The following GLDC variants were observed in gnomAD, a reference collection of about 807,000 sequenced individuals.
The protein encoded by GLDC is glycine decarboxylase, also known as glycine dehydrogenase (decarboxylating), mitochondrial.
In GLDC, 104 loss-of-function variants were observed where a neutral mutation model predicts 121.3. That is an observed-to-expected ratio of 0.86 (90% CI 0.73 to 1.01). The LOEUF (loss-of-function observed/expected upper bound fraction) is 1.01, where lower values mean the gene tolerates loss of function less well. Among genes scored for constraint, GLDC ranks in the 50% least tolerant of loss-of-function variants. The pLI is 0.00. For synonymous variants in GLDC, 546 were observed against 480.6 expected, an observed-to-expected ratio of 1.14 and a Z score of -1.78; for missense variants, 1,429 against 1,306.6, an observed-to-expected ratio of 1.09 and a Z score of -1.44.
At chr9:6,541,392 C>T (rs138468562) in intron 21 of GLDC, 4 of 152,350 alleles carry the variant, frequency 2.6e-5, no homozygotes, top group African/African-American at 9.6e-5. Flanking sequence ...ACTTTCCTCA[C>T]TCTCAGCAAA....
At chr9:6,539,568 C>T (rs190289881) in intron 22 of GLDC, among the ~76,000 whole-genome samples, 1 of 152,274 alleles carries the variant, frequency 6.6e-6, no homozygotes, top group East Asian at 1.9e-4. Flanking sequence ...GCTGAATGAA[C>T]ACCCACTAAT....
At chr9:6,604,298 C>A (rs569754409) in intron 7 of GLDC, among the ~76,000 whole-genome samples, 1 of 152,104 alleles carries the variant, frequency 6.6e-6, no homozygotes, top group African/African-American at 2.4e-5. Context: ...ACAAAACATG[C>A]CTAAAATATT....
chr9:6,636,626 A>C (rs1819507775), intron 2 of GLDC, among the ~76,000 whole-genome samples: 1 of 152,016 alleles, frequency 6.6e-6, no homozygotes, highest in African/African-American at 2.4e-5. Flanking sequence ...AAATACAAAA[A>C]TTAGCCGGGC....
intron 2 of GLDC, chr9:6,639,668 A>AAAAAAAATATATAT: frequency 2.6e-4 from 64 of 250,460 alleles, no homozygotes; most frequent in African/African-American, 3.6e-4. Context: ...ATAAAAAAAA[A>AAAAAAAATATATAT]GTATATATAT....
chr9:6,588,336 G>T, intron 14 of GLDC, 65 bp downstream of exon 14: 1 of 1,070,678 alleles, frequency 9.3e-7, no homozygotes, highest in Non-Finnish European at 1.5e-6. Flanking sequence ...ACTAGTTCTG[G>T]GCTTAGGTGG....
At chr9:6,576,099 T>A (rs1197777657) in intron 15 of GLDC, among the ~76,000 whole-genome samples, 1 of 152,218 alleles carries the variant, frequency 6.6e-6, no homozygotes, top group Non-Finnish European at 1.5e-5. Context: ...CTTGGCTACA[T>A]CAAGCAAAGT....
rs935896982 is a variant in GLDC at position 6,540,139 on chromosome 9, C to G, written c.2577G>C (p.Val859=). 6.8e-6 allele frequency: 11 copies of G among 1,606,970 alleles called. No homozygotes were observed. In the South Asian group the frequency reaches 7.7e-5, roughly 11 times the overall value. Residue 859 remains valine, a synonymous_variant, in exon 22 of 25, where the codon GTG becomes GTC. Transcript: ENST00000321612. ...TCGTGTCCAAAATAAATTCATGACC[C>G]ACATAACCTGTTCAGGAAAGTTGTT... ...RILFRGARGY[V]GHEFILDTRP...
At chr9:6,558,735 G>C in intron 16 of GLDC, 51 bp from the exon 17 acceptor site, 2 of 1,603,138 alleles carry the variant, frequency 1.2e-6, no homozygotes. Context: ...ATCAGACTAT[G>C]AATAATGACA....
intron 3 of GLDC, among the ~76,000 whole-genome samples, chr9:6,618,080 A>G (rs1377403765): frequency 6.6e-6 from 1 of 152,196 alleles, no homozygotes; most frequent in Non-Finnish European, 1.5e-5. Flanking sequence ...CTTTTAAAAA[A>G]TCACCTAGGA....
chr9:6,605,112 A>G lies in GLDC; in HGVS notation c.861+19T>C. ...TGGGATACGCCTCCACGGACCCCCC[A>G]CAAGAAAGGTATACCTACCCCACTC... On this transcript the variant is annotated intron_variant, in intron 6 of 24. Coordinates refer to ENST00000321612, the MANE Select transcript of GLDC (RefSeq NM_000170.3). The G allele has an allele frequency of 6.2e-7, 1 of 1,610,608 alleles. No homozygotes were observed. The highest frequency in any genetic ancestry group is 2.2e-5 in the East Asian group (1 of 44,872).
At chr9:6,533,526 T>C (rs1175782032) in intron 24 of GLDC, among the ~76,000 whole-genome samples, 1 of 152,204 alleles carries the variant, frequency 6.6e-6, no homozygotes, top group Non-Finnish European at 1.5e-5. Context: ...GTCTAATTTA[T>C]TTGCTATGTC....
chr9:6,620,926 G>A (rs144146088), intron 2 of GLDC, among the ~76,000 whole-genome samples: 9 of 152,330 alleles, frequency 5.9e-5, no homozygotes, highest in Middle Eastern at 3.4e-3. Flanking sequence ...CCAGCACTTT[G>A]AGAGGCTGAG....
At chr9:6,592,753 T>C (rs1198579618) in intron 10 of GLDC, 98 bp downstream of exon 10, 5 of 1,207,506 alleles carry the variant, frequency 4.1e-6, no homozygotes, top group Non-Finnish European at 6.0e-6. Context: ...GTGCCTAAAG[T>C]TTTCCTTTTT....
chr9:6,635,721 A>T (rs1009345657), intron 2 of GLDC, among the ~76,000 whole-genome samples: 3 of 152,012 alleles, frequency 2.0e-5, no homozygotes, highest in Admixed American at 6.5e-5. Flanking sequence ...AAAAAAATTT[A>T]AAAAATTAGC....
intron 15 of GLDC, among the ~76,000 whole-genome samples, chr9:6,580,784 C>T (rs1818157864): frequency 6.6e-6 from 1 of 152,232 alleles, no homozygotes; most frequent in Admixed American, 6.5e-5. Context: ...TATCAGTCCC[C>T]TTCTCCATTC....
At chr9:6,633,819 A>ATTTT (rs1563871993) in intron 2 of GLDC, among the ~76,000 whole-genome samples, 5 of 107,782 alleles carry the variant, frequency 4.6e-5, no homozygotes, top group African/African-American at 2.3e-4. Context: ...AGGCAGGAGA[A>ATTTT]TCTTTTTTTT....
chr9:6,644,050 A>AACAAAAC (rs55988287), intron 2 of GLDC, among the ~76,000 whole-genome samples: 3 of 92,702 alleles, frequency 3.2e-5, no homozygotes, highest in Non-Finnish European at 5.9e-5. Context: ...AAAAAAAAAA[A>AACAAAAC]CGAAAAAAAA....
At chr9:6,595,619 T>C (rs1406641349) in intron 8 of GLDC, among the ~76,000 whole-genome samples, 3 of 152,220 alleles carry the variant, frequency 2.0e-5, no homozygotes, top group Non-Finnish European at 4.4e-5. Context: ...GCTGAACTTC[T>C]GCCAACCAAG....
In GLDC at chr9:6,605,236, C is replaced by G; in HGVS notation, c.756G>C (p.Met252Ile). 1 of 1,613,666 alleles carries G rather than the reference C, an allele frequency of 6.2e-7. No individual in the cohort carries two copies. The highest frequency in any genetic ancestry group is 1.1e-5 in the South Asian group (1 of 91,070). Residue 252 changes from methionine to isoleucine, a missense_variant, in exon 6 of 25, where the codon ATG becomes ATC. By Grantham distance (10) the Met-to-Ile change is conservative. Coordinates refer to ENST00000321612, the MANE Select transcript of GLDC (RefSeq NM_000170.3). ...VLTELKLPCE[M>I]DFSGKDVSGV... ...CACTGACATCTTTTCCACTGAAGTC[C>G]ATTTCACAGGGTAACTTCAGCTCAG... is the stretch of plus-strand genomic sequence containing the variant.
Sources: allele counts gnomAD v4.1 joint callset (sites outside exome capture counted in the v4.1 genomes callset), GRCh38; gene constraint gnomAD v4.1.1; transcripts MANE v1.5; gene names NCBI Gene and HGNC (gene_info 2026-07-23, HGNC 2026-07-21).